NAALADL2: variants seen among roughly 807,000 people sequenced by gnomAD.
The protein encoded by NAALADL2 is N-acetylated alpha-linked acidic dipeptidase like 2.
In NAALADL2, 76 loss-of-function variants were observed where a neutral mutation model predicts 87.2. The observed-to-expected ratio is 0.87, with a 90% confidence interval of 0.72 to 1.05. The LOEUF (loss-of-function observed/expected upper bound fraction) is 1.05, where lower values mean the gene tolerates loss of function less well. Among genes scored for constraint, NAALADL2 ranks in the 50% least tolerant of loss-of-function variants. The pLI is 0.00. For missense variants in NAALADL2, 1,089 were observed against 945.8 expected (o/e 1.15, Z -1.99); for synonymous variants, 354 against 331.0 (o/e 1.07, Z -0.75).
chr3:174,714,344 G>A lies in NAALADL2; in HGVS notation c.-114-23297G>A, dbSNP rs59651051. On this transcript the variant is annotated intron_variant, in intron 2 of 3. Coordinates refer to the NAALADL2 transcript ENST00000434257. ...TTTTTCCAATTCTGTGAAGAAAGTC[G>A]TTGGTAGCTTGATGGGGATGGCATT... 7.0e-3 allele frequency among the ~76,000 whole-genome samples: 1,066 copies of A among 152,132 alleles called. 7 individuals are homozygous for A. The highest frequency in any genetic ancestry group is 0.023 in the African/African-American group (946 of 41,490).
chr3:174,823,340 A>G (rs562695711), intron 3 of NAALADL2, among the ~76,000 whole-genome samples: 1 of 152,016 alleles, frequency 6.6e-6, no homozygotes, highest in South Asian at 2.1e-4. Flanking sequence ...AAAATGTTCC[A>G]TATGGAGGAT....
chr3:175,223,726 G>T (rs1743749073), intron 2 of NAALADL2, among the ~76,000 whole-genome samples: 1 of 152,098 alleles, frequency 6.6e-6, no homozygotes, highest in South Asian at 2.1e-4. Flanking sequence ...GAATTAAAAA[G>T]AAAGATGTCA....
At chr3:175,185,247 A>C (rs59468835) in intron 2 of NAALADL2, among the ~76,000 whole-genome samples, 39,854 of 152,000 alleles carry the variant, frequency 0.26, 5,993 homozygotes, top group South Asian at 0.34. Context: ...CTATCTATAC[A>C]GCTGAAGATG....
chr3:175,510,570 A>T (rs901790236), intron 9 of NAALADL2, among the ~76,000 whole-genome samples: 8 of 152,200 alleles, frequency 5.3e-5, no homozygotes, highest in South Asian at 4.1e-4. Flanking sequence ...TGGTATTTAT[A>T]ATGTGTTTTA....
intron 5 of NAALADL2, among the ~76,000 whole-genome samples, chr3:175,339,245 T>C (rs11923123): frequency 2.6e-5 from 4 of 152,182 alleles, no homozygotes; most frequent in African/African-American, 9.7e-5. Flanking sequence ...AATAAGTAGG[T>C]TGGACAGGAG....
chr3:175,300,242 A>G (rs1446481779), intron 4 of NAALADL2, among the ~76,000 whole-genome samples: 1 of 151,966 alleles, frequency 6.6e-6, no homozygotes. Flanking sequence ...ATTGGCCTGG[A>G]ATTTTCTTTT....
At chr3:174,882,601 A>G (rs1729407784) in intron 1 of NAALADL2, among the ~76,000 whole-genome samples, 1 of 134,702 alleles carries the variant, frequency 7.4e-6, no homozygotes, top group South Asian at 2.1e-4. Context: ...GTATATACAC[A>G]TACATATATG....
intron 11 of NAALADL2, among the ~76,000 whole-genome samples, chr3:175,647,750 A>G (rs954384321): frequency 5.9e-5 from 9 of 152,216 alleles, no homozygotes; most frequent in African/African-American, 2.2e-4. Context: ...CCTAAGAACT[A>G]TCTGAGTAAG....
intron 13 of NAALADL2, among the ~76,000 whole-genome samples, chr3:175,772,341 AT>A (rs1749608272): frequency 6.6e-6 from 1 of 151,960 alleles, no homozygotes; most frequent in South Asian, 2.1e-4. Flanking sequence ...TACAAACTGC[AT>A]TTTCACTTTG....
chr3:174,539,977 GAAAAAAAAA>G (rs57394560), intron 1 of NAALADL2, among the ~76,000 whole-genome samples: 2 of 51,178 alleles, frequency 3.9e-5, no homozygotes, highest in African/African-American at 6.3e-5. Context: ...GGAAGTTCTG[GAAAAAAAAA>G]AAAAAAAAAA....
At chr3:174,985,225 A>G (rs538022350) in intron 1 of NAALADL2, among the ~76,000 whole-genome samples, 2 of 152,314 alleles carry the variant, frequency 1.3e-5, no homozygotes, top group South Asian at 4.1e-4. Context: ...TTCACTGTTG[A>G]TCAGATCTGA....
chr3:175,390,979 T>C (rs1768997167), intron 5 of NAALADL2, among the ~76,000 whole-genome samples: 1 of 152,202 alleles, frequency 6.6e-6, no homozygotes, highest in Non-Finnish European at 1.5e-5. Flanking sequence ...CCCACAATTA[T>C]GTCCCAATGA....
At chr3:175,359,766 T>C (rs1032388350) in intron 5 of NAALADL2, among the ~76,000 whole-genome samples, 3 of 152,244 alleles carry the variant, frequency 2.0e-5, no homozygotes, top group Admixed American at 6.6e-5. Flanking sequence ...AAAAGTGCTA[T>C]GGGTTTATCT....
chr3:175,296,451 A>C (rs945211738), intron 4 of NAALADL2, among the ~76,000 whole-genome samples: 1 of 152,178 alleles, frequency 6.6e-6, no homozygotes, highest in Non-Finnish European at 1.5e-5. Context: ...TTAGGCATGC[A>C]TATGTTTAAA....
In NAALADL2 at chr3:174,690,295, A is replaced by G. The variant is rs1423169324; in HGVS notation, c.-114-47346A>G. On this transcript the variant is annotated intron_variant, in intron 2 of 3. Coordinates refer to the NAALADL2 transcript ENST00000434257. Reference sequence around the variant, plus strand: ...TTATTTTCCAATGTATGATTTTTAGATAGTGATATTTTCCCTTTCATACTT... The same window carrying G: ...TTATTTTCCAATGTATGATTTTTAGGTAGTGATATTTTCCCTTTCATACTT... Among the ~76,000 whole-genome samples, 3 of 152,182 alleles carry G rather than the reference A, an allele frequency of 2.0e-5. No individual in the cohort carries two copies. In the South Asian group the frequency reaches 6.2e-4, roughly 31 times the overall value.
intron 4 of NAALADL2, among the ~76,000 whole-genome samples, chr3:175,290,922 G>T (rs1755569559): frequency 6.6e-6 from 1 of 151,848 alleles, no homozygotes; most frequent in African/African-American, 2.4e-5. Context: ...CTACTTCTTT[G>T]AGTATTTCCT....
Position 175,737,339 on chromosome 3 carries a change from G to C in NAALADL2, c.1930G>C (p.Glu644Gln). 1.2e-6 allele frequency: 2 copies of C among 1,611,806 alleles called. No individual in the cohort carries two copies. The highest frequency in any genetic ancestry group is 1.7e-4 in the Middle Eastern group (1 of 6,056). ...SGEVILQIANEPVLPFNALDI... is the reference protein window; with the variant it reads ...SGEVILQIANQPVLPFNALDI... ...AGAAGTGATTTTGCAAATTGCCAAC[G>C]AACCTGTTCTGCCCTTTAATGCACT... The change falls in exon 12 of 14, where the codon GAA (glutamate) becomes CAA (glutamine). Residue 644 changes from glutamate to glutamine, a missense_variant. By Grantham distance (29) the Glu-to-Gln change is conservative. Coordinates refer to ENST00000454872, the MANE Select transcript of NAALADL2 (RefSeq NM_207015.3).
At chr3:174,653,246 C>A (rs1339874997) in intron 2 of NAALADL2, among the ~76,000 whole-genome samples, 1 of 152,128 alleles carries the variant, frequency 6.6e-6, no homozygotes, top group Non-Finnish European at 1.5e-5. Context: ...ATAGCAGCCC[C>A]AAACTGGAAT....
Position 174,609,670 on chromosome 3 carries a change from C to G in NAALADL2, c.-115+59033C>G, listed in dbSNP as rs565533903. On this transcript the variant is annotated intron_variant, in intron 2 of 3. Transcript: ENST00000434257. ...CTCCTCAATGAAATAAAAGAGTATACAAAGAAATGGAGGAACATTCCATTC... is the reference window on the plus strand; with the variant it reads ...CTCCTCAATGAAATAAAAGAGTATAGAAAGAAATGGAGGAACATTCCATTC... 1.5e-3 allele frequency among the ~76,000 whole-genome samples: 234 copies of G among 152,162 alleles called. 1 individual carries two copies. Among genetic ancestry groups the G allele is most frequent in the African/African-American group, 5.3e-3 (221 of 41,522 alleles).
Sources: gnomAD v4.1 joint callset for allele counts (sites outside exome capture counted in the v4.1 genomes callset) on GRCh38, gnomAD v4.1.1 for gene constraint, MANE v1.5 for transcripts, NCBI Gene and HGNC (gene_info 2026-07-23, HGNC 2026-07-21) for gene names.